The following GRID2 variants were observed in gnomAD, a reference collection of about 807,000 sequenced individuals.
The protein encoded by GRID2 is glutamate receptor ionotropic, delta-2.
GRID2 carries 33 observed loss-of-function variants against 114.8 expected under a neutral mutation model. The ratio of observed to expected loss-of-function variants is 0.29; its 90% CI spans 0.22 to 0.38. GRID2 has a LOEUF of 0.38. GRID2 is among the 10% of genes least tolerant of loss of function. GRID2 has a pLI of 1.00. For missense variants in GRID2, 1,184 were observed against 1,257.7 expected (o/e 0.94, Z 0.89); for synonymous variants, 505 against 449.9 (o/e 1.12, Z -1.55).
chr4:92,442,141 G>T (rs568171301), intron 1 of GRID2, among the ~76,000 whole-genome samples: 4 of 150,558 alleles, frequency 2.7e-5, no homozygotes, highest in Admixed American at 6.6e-5. Context: ...AGAAGGGGAC[G>T]GGCTTACCTT....
intron 3 of GRID2, among the ~76,000 whole-genome samples, chr4:93,107,290 C>T (rs1560886035): frequency 6.6e-6 from 1 of 151,954 alleles, no homozygotes; most frequent in Non-Finnish European, 1.5e-5. Flanking sequence ...TAGAGTGGGA[C>T]CCTGTCTCAA....
intron 11 of GRID2, among the ~76,000 whole-genome samples, chr4:93,464,339 T>C (rs1724059006): frequency 6.6e-6 from 1 of 152,224 alleles, no homozygotes; most frequent in African/African-American, 2.4e-5. Context: ...GGCTATATTT[T>C]TTAAAGCATG....
intron 2 of GRID2, among the ~76,000 whole-genome samples, chr4:92,694,678 G>A (rs988853500): frequency 2.0e-5 from 3 of 152,242 alleles, no homozygotes; most frequent in South Asian, 2.1e-4. Context: ...ATAAGCACAA[G>A]TTGACATCTT....
At chr4:92,406,259 T>C (rs1579308166) in intron 1 of GRID2, among the ~76,000 whole-genome samples, 1 of 152,170 alleles carries the variant, frequency 6.6e-6, no homozygotes, top group Non-Finnish European at 1.5e-5. Context: ...ACCATCACAA[T>C]ACAATTAATA....
intron 1 of GRID2, among the ~76,000 whole-genome samples, chr4:92,363,353 G>A (rs968408138): frequency 1.3e-5 from 2 of 152,046 alleles, no homozygotes; most frequent in African/African-American, 4.8e-5. Flanking sequence ...GCTATGAGGT[G>A]TGTCTAAAAG....
chr4:92,969,474 G>T (rs566095012), intron 2 of GRID2, among the ~76,000 whole-genome samples: 47 of 151,550 alleles, frequency 3.1e-4, no homozygotes, highest in African/African-American at 1.1e-3. Flanking sequence ...GAGGGTCTTT[G>T]TGGAACTTTG....
chr4:93,144,685 AGGTC>A (rs1736046359), intron 4 of GRID2, among the ~76,000 whole-genome samples: 2 of 152,242 alleles, frequency 1.3e-5, no homozygotes, highest in Non-Finnish European at 2.9e-5. Flanking sequence ...TCACCAAATC[AGGTC>A]AGAACCAGGG....
At chr4:93,721,920 C>CTTT (rs5860343) in intron 14 of GRID2, among the ~76,000 whole-genome samples, 8 of 132,608 alleles carry the variant, frequency 6.0e-5, no homozygotes, top group African/African-American at 8.4e-5. Flanking sequence ...TTTCTTTTTT[C>CTTT]TTTTTTTTTT....
chr4:93,396,251 A>C (rs1387282524), intron 9 of GRID2, among the ~76,000 whole-genome samples: 1 of 152,068 alleles, frequency 6.6e-6, no homozygotes, highest in East Asian at 1.9e-4. Flanking sequence ...AACATTGACA[A>C]ATAAAATGAC....
intron 13 of GRID2, among the ~76,000 whole-genome samples, chr4:93,611,558 T>G (rs1740918091): frequency 1.4e-5 from 2 of 142,656 alleles, no homozygotes; most frequent in South Asian, 4.5e-4. Context: ...ATTTCTGCCT[T>G]CATTTCATTA....
intron 1 of GRID2, among the ~76,000 whole-genome samples, chr4:92,377,341 C>T (rs1729404152): frequency 6.6e-6 from 1 of 152,076 alleles, no homozygotes; most frequent in Non-Finnish European, 1.5e-5. Context: ...TCCTCCAGTT[C>T]CCAACAAGTT....
rs562272695 is a variant in GRID2 at position 92,696,274 on chromosome 4, T to A, written c.244+105988T>A. Among the ~76,000 whole-genome samples the A allele has an allele frequency of 9.2e-5, 14 of 152,246 alleles. No individual in the cohort carries two copies. In the East Asian group the frequency reaches 2.7e-3, roughly 29 times the overall value. On this transcript the variant is annotated intron_variant, in intron 2 of 15. Coordinates refer to ENST00000282020, the MANE Select transcript of GRID2 (RefSeq NM_001510.4). ...ATGGGGAATAATAAGACACAGAGCA[T>A]TATTTGTGCTTTCTAATCTGTTCAG...
chr4:92,676,370 C>T (rs1197320311), intron 2 of GRID2, among the ~76,000 whole-genome samples: 1 of 151,716 alleles, frequency 6.6e-6, no homozygotes, highest in Non-Finnish European at 1.5e-5. Flanking sequence ...TTAGTAAAGA[C>T]GGGGTTTCAC....
At position 92,393,737 on chromosome 4, in the gene GRID2, A is replaced by G. The variant is rs144823229; in HGVS notation, c.88+88993A>G. On this transcript the variant is annotated intron_variant, in intron 1 of 15. Coordinates refer to ENST00000282020, the MANE Select transcript of GRID2 (RefSeq NM_001510.4). The stretch of plus-strand genomic sequence containing the variant: ...CCAGTTTGTATGTATTGGTCCAGTC[A>G]AAGGGGGTAAAATATTATTAGCCAG... Among the ~76,000 whole-genome samples the G allele has an allele frequency of 7.5e-4, 114 of 152,286 alleles. 2 individuals carry two copies. The East Asian group carries it at 0.018, about 24-fold the overall frequency.
At chr4:92,620,509 A>G (rs34336256) in intron 2 of GRID2, among the ~76,000 whole-genome samples, 8,418 of 151,882 alleles carry the variant, frequency 0.055, 299 homozygotes, top group East Asian at 0.16. Context: ...AGCATTTGGC[A>G]TTTGGTAACT....
intron 8 of GRID2, among the ~76,000 whole-genome samples, chr4:93,318,317 T>C (rs567168247): frequency 6.6e-6 from 1 of 151,924 alleles, no homozygotes; most frequent in Non-Finnish European, 1.5e-5. Flanking sequence ...GGAATAATGA[T>C]AGATAATCAA....
chr4:93,174,579 C>A (rs913548243), intron 4 of GRID2, among the ~76,000 whole-genome samples: 1 of 152,166 alleles, frequency 6.6e-6, no homozygotes, highest in African/African-American at 2.4e-5. Context: ...TAAAGGAGGT[C>A]ATGAGTGGGG....
intron 1 of GRID2, among the ~76,000 whole-genome samples, chr4:92,365,775 A>G (rs1728832944): frequency 6.6e-6 from 1 of 152,064 alleles, no homozygotes. Context: ...ACTTGTTTAT[A>G]AAATAATATT....
At chr4:93,252,979 G>A (rs1749142623) in intron 8 of GRID2, among the ~76,000 whole-genome samples, 1 of 152,026 alleles carries the variant, frequency 6.6e-6, no homozygotes. Flanking sequence ...GCCGGACGAA[G>A]TGGTTTACGC....
Sources: allele counts gnomAD v4.1 joint callset (sites outside exome capture counted in the v4.1 genomes callset), GRCh38; gene constraint gnomAD v4.1.1; transcripts MANE v1.5; gene names NCBI Gene and HGNC (gene_info 2026-07-23, HGNC 2026-07-21).